The following DENND1A variants were observed in gnomAD, a reference collection of about 807,000 sequenced individuals.
The protein encoded by DENND1A is DENN domain-containing protein 1A.
A neutral mutation model predicts 113.7 loss-of-function variants in DENND1A; 51 were observed. The ratio of observed to expected loss-of-function variants is 0.45; its 90% CI spans 0.36 to 0.57. The LOEUF is 0.57. DENND1A is among the 20% of genes least tolerant of loss of function. The probability of loss-of-function intolerance (pLI) is 0.00; values close to 1 mark genes in which losing one functional copy is unlikely to be tolerated. For missense variants in DENND1A, 1,258 were observed against 1,395.9 expected (o/e 0.90, Z 1.57); for synonymous variants, 565 against 570.8 (o/e 0.99, Z 0.14).
At chr9:123,736,663 A>G (rs2068587980) in intron 5 of DENND1A, among the ~76,000 whole-genome samples, 1 of 152,246 alleles carries the variant, frequency 6.6e-6, no homozygotes, top group South Asian at 2.1e-4. Context: ...AAACACATTC[A>G]TGGGAATAAG....
intron 13 of DENND1A, among the ~76,000 whole-genome samples, chr9:123,553,127 T>C (rs1285542570): frequency 4.6e-5 from 7 of 152,122 alleles, no homozygotes; most frequent in Non-Finnish European, 7.3e-5. Context: ...TTCAGTGGCA[T>C]GCACCTGTAG....
intron 5 of DENND1A, chr9:123,751,387 T>C (rs773597442): frequency 2.0e-5 from 3 of 152,194 alleles, no homozygotes; most frequent in Admixed American, 6.5e-5. Flanking sequence ...ATCACTATCC[T>C]TGTTTTTAAA....
At chr9:123,481,134 T>G (rs1051132022) in intron 13 of DENND1A, among the ~76,000 whole-genome samples, 6 of 152,238 alleles carry the variant, frequency 3.9e-5, no homozygotes, top group African/African-American at 1.4e-4. Context: ...TCACAGCATG[T>G]TCATGCAGAG....
intron 1 of DENND1A, among the ~76,000 whole-genome samples, chr9:123,895,727 T>G (rs903493170): frequency 1.3e-5 from 2 of 152,142 alleles, no homozygotes; most frequent in Non-Finnish European, 2.9e-5. Context: ...ACTTTCTCCT[T>G]GAAGATATTT....
At chr9:123,420,481 C>T (rs892468894) in intron 19 of DENND1A, among the ~76,000 whole-genome samples, 17 of 152,130 alleles carry the variant, frequency 1.1e-4, no homozygotes, top group African/African-American at 1.4e-4. Context: ...CAGCACCTGC[C>T]GCGGGGTCTC....
chr9:123,780,008 C>T (rs868435195), intron 3 of DENND1A, among the ~76,000 whole-genome samples: 4 of 151,384 alleles, frequency 2.6e-5, no homozygotes, highest in Non-Finnish European at 4.4e-5. Flanking sequence ...CGCCCCCCCA[C>T]CACGCCAGCT....
At chr9:123,413,245 G>A in intron 19 of DENND1A, 1 of 305,370 alleles carries the variant, frequency 3.3e-6, no homozygotes, top group Non-Finnish European at 4.8e-6. Flanking sequence ...CTCGGCACGA[G>A]GAAAGAATGT....
chr9:123,396,655 G>T (rs1303250723), intron 21 of DENND1A, among the ~76,000 whole-genome samples: 1 of 152,222 alleles, frequency 6.6e-6, no homozygotes. Context: ...GGGCTTTGGT[G>T]CTGGGGTCAC....
intron 5 of DENND1A, among the ~76,000 whole-genome samples, chr9:123,734,133 T>C (rs1383578142): frequency 6.6e-6 from 1 of 152,158 alleles, no homozygotes; most frequent in Non-Finnish European, 1.5e-5. Context: ...CAAGCCCAGG[T>C]AACATTTTTA....
At chr9:123,917,926 C>T (rs1044253692) in intron 1 of DENND1A, among the ~76,000 whole-genome samples, 10 of 151,096 alleles carry the variant, frequency 6.6e-5, no homozygotes, top group Admixed American at 2.0e-4. Context: ...CTGGCTAACA[C>T]GGTGAAACCC....
chr9:123,648,990 C>T (rs1426525437), intron 9 of DENND1A, among the ~76,000 whole-genome samples: 2 of 152,164 alleles, frequency 1.3e-5, no homozygotes, highest in African/African-American at 2.4e-5. Flanking sequence ...TTACTAGCAT[C>T]GTAATTACTA....
At chr9:123,818,385 T>C (rs1837866314) in intron 2 of DENND1A, among the ~76,000 whole-genome samples, 1 of 152,098 alleles carries the variant, frequency 6.6e-6, no homozygotes, top group Non-Finnish European at 1.5e-5. Flanking sequence ...ATTACAGGCG[T>C]GAGCCACCGC....
intron 19 of DENND1A, among the ~76,000 whole-genome samples, chr9:123,432,837 T>C (rs147930079): frequency 1.1e-3 from 163 of 152,336 alleles, no homozygotes; most frequent in African/African-American, 3.8e-3. Context: ...CCACTCTTGC[T>C]GGTACCAGCT....
chr9:123,391,704 G>A (rs1281084113), intron 21 of DENND1A, among the ~76,000 whole-genome samples: 1 of 142,934 alleles, frequency 7.0e-6, no homozygotes, highest in Non-Finnish European at 1.5e-5. Flanking sequence ...CAGAGATAAA[G>A]GATGAACCAT....
chr9:123,582,765 T>G (rs2058977294), intron 12 of DENND1A, among the ~76,000 whole-genome samples: 1 of 151,450 alleles, frequency 6.6e-6, no homozygotes, highest in South Asian at 2.1e-4. Context: ...AGTGGCGCAA[T>G]CTCAGCTCAA....
At chr9:123,636,753 T>A (rs1055811862) in intron 9 of DENND1A, among the ~76,000 whole-genome samples, 5 of 145,524 alleles carry the variant, frequency 3.4e-5, no homozygotes, top group African/African-American at 1.3e-4. Flanking sequence ...CAGGCTGGAG[T>A]GCAATGGCGC....
chr9:123,780,006 C>A (rs781618808), intron 3 of DENND1A, among the ~76,000 whole-genome samples: 13 of 150,840 alleles, frequency 8.6e-5, no homozygotes, highest in Middle Eastern at 3.4e-3. Context: ...GGCGCCCCCC[C>A]ACCACGCCAG....
intron 13 of DENND1A, among the ~76,000 whole-genome samples, chr9:123,510,384 A>T (rs7039174): frequency 0.21 from 32,404 of 152,256 alleles, 3,499 homozygotes; most frequent in South Asian, 0.23. Flanking sequence ...TGAGCACACA[A>T]GGACACATCC....
At position 123,764,546 on chromosome 9, in the gene DENND1A, C is replaced by T. The variant is rs1419237945; in HGVS notation, c.182+4968G>A. Among the ~76,000 whole-genome samples, 1 of 152,170 alleles carries T rather than the reference C, an allele frequency of 6.6e-6. No individual in the cohort carries two copies. The highest frequency in any genetic ancestry group is 6.5e-5 in the Admixed American group (1 of 15,274). On this transcript the variant is annotated intron_variant, in intron 4 of 23. Coordinates refer to ENST00000394215, the MANE Select transcript of DENND1A (RefSeq NM_001352964.2). The surrounding 1 kb of genome is among the most constrained non-coding windows in gnomAD (Gnocchi z 4.1). ...TCAAAGATCCAAGTGGTGAGAATGA[C>T]ATGGACCCAAAATATGAGGGGACCA...
Sources: allele counts gnomAD v4.1 joint callset (sites outside exome capture counted in the v4.1 genomes callset), GRCh38; gene constraint gnomAD v4.1.1; non-coding constraint Gnocchi (gnomAD v3.1); transcripts MANE v1.5; gene names NCBI Gene and HGNC (gene_info 2026-07-23, HGNC 2026-07-21).